Variants in IQCH observed in about 807,000 individuals in gnomAD.
The protein encoded by IQCH is IQ motif containing H.
A neutral mutation model predicts 117.0 loss-of-function variants in IQCH; 98 were observed. The observed-to-expected ratio is 0.84, with a 90% CI of 0.71 to 0.99. The LOEUF (loss-of-function observed/expected upper bound fraction) is 0.99, where lower values mean the gene tolerates loss of function less well. Among genes scored for constraint, IQCH ranks in the 50% least tolerant of loss-of-function variants. The probability of loss-of-function intolerance (pLI) is 0.00; values close to 1 mark genes in which losing one functional copy is unlikely to be tolerated. For missense variants in IQCH, 1,102 were observed against 1,243.8 expected, an observed-to-expected ratio of 0.89 and a Z score of 1.72; for synonymous variants, 412 against 448.2, an observed-to-expected ratio of 0.92 and a Z score of 1.02.
intron 20 of IQCH, among the ~76,000 whole-genome samples, chr15:67,495,751 C>A (rs1415143772): frequency 6.6e-5 from 10 of 152,198 alleles, no homozygotes; most frequent in Non-Finnish European, 4.4e-5. Context: ...CTTTCAAAAT[C>A]ATAAAAAGTC....
chr15:67,317,064 A>C (rs1002806626), intron 4 of IQCH, among the ~76,000 whole-genome samples: 1 of 152,196 alleles, frequency 6.6e-6, no homozygotes, highest in Non-Finnish European at 1.5e-5. Context: ...AACTTCCCCA[A>C]CTACGTTCAT....
At chr15:67,437,406 A>G (rs138931618) in intron 16 of IQCH, among the ~76,000 whole-genome samples, 230 of 152,308 alleles carry the variant, frequency 1.5e-3, no homozygotes, top group African/African-American at 5.2e-3. Context: ...AATCTGAACA[A>G]CAGGCTGCAG....
intron 17 of IQCH, among the ~76,000 whole-genome samples, chr15:67,469,719 A>T (rs750213828): frequency 4.6e-5 from 7 of 152,210 alleles, no homozygotes; most frequent in Non-Finnish European, 8.8e-5. Context: ...CTCCACCCCG[A>T]GTACTTTACT....
At chr15:67,328,586 A>G (rs1196238518) in intron 4 of IQCH, among the ~76,000 whole-genome samples, 1 of 152,238 alleles carries the variant, frequency 6.6e-6, no homozygotes, top group Middle Eastern at 3.2e-3. Context: ...AGAATTTAAT[A>G]GCAGAGCCTA....
chr15:67,311,233 G>A (rs1205839016), intron 4 of IQCH, among the ~76,000 whole-genome samples: 2 of 151,990 alleles, frequency 1.3e-5, no homozygotes, highest in African/African-American at 2.4e-5. Flanking sequence ...TAAGCAGTTG[G>A]TAGATATTGT....
chr15:67,292,077 A>G (rs1046239954), intron 4 of IQCH, among the ~76,000 whole-genome samples: 2 of 152,096 alleles, frequency 1.3e-5, no homozygotes, highest in African/African-American at 2.4e-5. Flanking sequence ...CTCTTATAAA[A>G]GAGGCCCTAG....
Position 67,395,813 on chromosome 15 carries a change from CCA to C in IQCH, c.1905+251_1905+252del, listed in dbSNP as rs1323728027. On this transcript the variant is annotated intron_variant, in intron 13 of 20. Coordinates refer to ENST00000335894, the MANE Select transcript of IQCH (RefSeq NM_001031715.3). The surrounding 1 kb of genome is among the most constrained non-coding windows in gnomAD (Gnocchi z 4.0). ...CTTGGCTCACTGCAACCTCCACCTCCCAGTTTCTGTGACTTCCAGCTAATTTT... is the reference window on the plus strand; with the variant it reads ...CTTGGCTCACTGCAACCTCCACCTCCGTTTCTGTGACTTCCAGCTAATTTT... 6.6e-6 allele frequency among the ~76,000 whole-genome samples: 1 copy of C among 151,698 alleles called. No individual in the cohort carries two copies. Among genetic ancestry groups the C allele is most frequent in the Non-Finnish European group, 1.5e-5 (1 of 67,982 alleles).
intron 6 of IQCH, among the ~76,000 whole-genome samples, chr15:67,354,669 A>G (rs1161708003): frequency 6.6e-6 from 1 of 152,186 alleles, no homozygotes; most frequent in Non-Finnish European, 1.5e-5. Flanking sequence ...AGGTAGTACC[A>G]CTCAGGAATG....
At chr15:67,312,395 C>T (rs1028009014) in intron 4 of IQCH, among the ~76,000 whole-genome samples, 4 of 152,116 alleles carry the variant, frequency 2.6e-5, no homozygotes, top group African/African-American at 9.7e-5. Context: ...TTCACGACGT[C>T]CCAAAAGTTA....
At position 67,431,745 on chromosome 15, in the gene IQCH, T is replaced by A. The variant is rs1006258207; in HGVS notation, c.2505+10168T>A. Among the ~76,000 whole-genome samples the A allele has an allele frequency of 7.9e-5, 12 of 152,238 alleles. No homozygotes were observed. The highest frequency in any genetic ancestry group is 1.8e-4 in the Non-Finnish European group (12 of 68,036). On this transcript the variant is annotated intron_variant, in intron 16 of 20. Transcript: ENST00000335894. The surrounding 1 kb of genome is among the most constrained non-coding windows in gnomAD (Gnocchi z 4.8). ...GAACATTTCCTACCAATATCAATAG[T>A]TTTTTAGATTGTAGCCTCTTGTTTC...
At position 67,475,888 on chromosome 15, in the gene IQCH, T is replaced by G. The variant is rs1267902031; in HGVS notation, c.2799+70T>G. The G allele has an allele frequency of 7.3e-7, 1 of 1,367,802 alleles. No homozygotes were observed. Among genetic ancestry groups the G allele is most frequent in the Non-Finnish European group, 1.0e-6 (1 of 967,868 alleles). The allele number at this position is 1,367,802 out of a possible 1,614,324, so 84.7% of individuals were successfully genotyped here. On this transcript the variant is annotated intron_variant, in intron 18 of 20. Transcript: ENST00000335894. The surrounding 1 kb of genome is among the most constrained non-coding windows in gnomAD (Gnocchi z 5.7). ...GTGGGTGATCTAGGTAGCTAATAAT[T>G]TGGTGCCCCTTCAGATAGATATTCT...
intron 6 of IQCH, among the ~76,000 whole-genome samples, chr15:67,352,047 TCTTTC>T (rs954466582): frequency 2.6e-5 from 4 of 152,168 alleles, no homozygotes; most frequent in Non-Finnish European, 5.9e-5. Flanking sequence ...TATTTCATTT[TCTTTC>T]CTTTATTGTC....
In IQCH at chr15:67,494,413, G is replaced by A. The variant is rs1220616719; in HGVS notation, c.2970+47G>A. 1 of 1,275,514 alleles carries A rather than the reference G, an allele frequency of 7.8e-7. No individual in the cohort carries two copies. The highest frequency in any genetic ancestry group is 2.3e-5 in the East Asian group (1 of 42,948). The allele number at this position is 1,275,514 out of a possible 1,614,324, so 79.0% of individuals were successfully genotyped here. A position where few individuals can be genotyped will look rare whatever the true frequency, so the allele number is the denominator to read the frequency against. On this transcript the variant is annotated intron_variant, in intron 20 of 20. Coordinates refer to ENST00000335894, the MANE Select transcript of IQCH (RefSeq NM_001031715.3). The surrounding 1 kb of genome is among the most constrained non-coding windows in gnomAD (Gnocchi z 5.5). ...GATTCTGGTTAATTTCTATACAAGG[G>A]CTGAAAATACCTCATGCTGTATTGT...
At chr15:67,460,857 TC>T (rs1468526025) in intron 16 of IQCH, among the ~76,000 whole-genome samples, 5 of 152,134 alleles carry the variant, frequency 3.3e-5, no homozygotes, top group African/African-American at 9.7e-5. Context: ...GTGATATTTT[TC>T]CCCCACCCTC....
chr15:67,480,855 T>G (rs2083320262), intron 18 of IQCH, among the ~76,000 whole-genome samples: 1 of 152,072 alleles, frequency 6.6e-6, no homozygotes, highest in South Asian at 2.1e-4. Flanking sequence ...GTGTTAATGG[T>G]GTATATTAGG....
intron 14 of IQCH, among the ~76,000 whole-genome samples, chr15:67,400,532 T>A (rs1971619186): frequency 6.7e-6 from 1 of 149,336 alleles, no homozygotes; most frequent in Non-Finnish European, 1.5e-5. Flanking sequence ...TTGCCCAGGC[T>A]GGAGTGCAGT....
rs1189997282 is a variant in IQCH at position 67,411,830 on chromosome 15, A to G, written c.2098-5101A>G. 6.6e-6 allele frequency among the ~76,000 whole-genome samples: 1 copy of G among 152,232 alleles called. No individual in the cohort carries two copies. Among genetic ancestry groups the G allele is most frequent in the Non-Finnish European group, 1.5e-5 (1 of 68,040 alleles). On this transcript the variant is annotated intron_variant, in intron 14 of 20. Coordinates refer to ENST00000335894, the MANE Select transcript of IQCH (RefSeq NM_001031715.3). This position sits in a 1 kb window ranked among gnomAD's most constrained non-coding sequence, Gnocchi z 4.4. ...GATATCCTGAATTTCATTCATTCAG[A>G]CATCTCTTCCTTCAAATTTACACTT... is the stretch of plus-strand genomic sequence containing the variant.
intron 16 of IQCH, among the ~76,000 whole-genome samples, chr15:67,448,797 C>T (rs900057124): frequency 1.3e-5 from 2 of 152,098 alleles, no homozygotes; most frequent in East Asian, 1.9e-4. Context: ...CCTGAGGAAT[C>T]GCCACACTGA....
At chr15:67,332,388 T>A (rs1385673687) in intron 4 of IQCH, among the ~76,000 whole-genome samples, 2 of 152,114 alleles carry the variant, frequency 1.3e-5, no homozygotes, top group African/African-American at 2.4e-5. Flanking sequence ...AATGGTGCAA[T>A]GTCTACAAAA....
Sources: gnomAD v4.1 joint callset for allele counts (sites outside exome capture counted in the v4.1 genomes callset) on GRCh38, gnomAD v4.1.1 for gene constraint, Gnocchi (gnomAD v3.1) non-coding constraint, MANE v1.5 for transcripts, NCBI Gene and HGNC (gene_info 2026-07-23, HGNC 2026-07-21) for gene names.